LRRC36: variants seen among roughly 807,000 people sequenced by gnomAD.
The protein encoded by LRRC36 is leucine rich repeat containing 36.
In LRRC36, 62 loss-of-function variants were observed where a neutral mutation model predicts 81.1. That is an observed-to-expected ratio of 0.76 (90% CI 0.62 to 0.94). The LOEUF (loss-of-function observed/expected upper bound fraction) is 0.94, where lower values mean the gene tolerates loss of function less well. LRRC36 is among the 40% of genes least tolerant of loss of function. The pLI is 0.00. For synonymous variants in LRRC36, 334 were observed against 348.6 expected (o/e 0.96, Z 0.47); for missense variants, 761 against 881.7 (o/e 0.86, Z 1.73).
intron 4 of LRRC36, among the ~76,000 whole-genome samples, chr16:67,348,330 C>T (rs1254626999): frequency 6.6e-6 from 1 of 151,922 alleles, no homozygotes; most frequent in East Asian, 1.9e-4. Flanking sequence ...AGCATTTTTT[C>T]TGATGACAAA....
In LRRC36 at chr16:67,332,509, G is replaced by A. The variant is rs571673938; in HGVS notation, c.70+5577G>A. Among the ~76,000 whole-genome samples, 5 of 151,860 alleles carry A rather than the reference G, an allele frequency of 3.3e-5. No homozygotes were observed. In the South Asian group the frequency reaches 6.2e-4, roughly 19 times the overall value. On this transcript the variant is annotated intron_variant, in intron 1 of 13. Coordinates refer to ENST00000329956, the MANE Select transcript of LRRC36 (RefSeq NM_018296.6). The stretch of plus-strand genomic sequence containing the variant: ...GCAGAGCTTGCAGTGTGCCAAGATG[G>A]TGCCATTGCACTCCAGCCTGGGTGA...
chr16:67,366,658 G>A (rs1046662667), intron 7 of LRRC36, among the ~76,000 whole-genome samples: 3 of 152,010 alleles, frequency 2.0e-5, no homozygotes, highest in African/African-American at 4.8e-5. Context: ...GCTGAGGTAC[G>A]AGAATCGCTT....
intron 8 of LRRC36, 109 bp from the exon 9 acceptor site, chr16:67,370,835 T>C (rs1172213231): frequency 4.9e-6 from 4 of 823,276 alleles, no homozygotes; most frequent in Non-Finnish European, 7.9e-6. Flanking sequence ...TGAGGATGTA[T>C]GCTAGGGAGT....
At chr16:67,364,184 G>T (rs781658199) in intron 6 of LRRC36, among the ~76,000 whole-genome samples, 1 of 152,210 alleles carries the variant, frequency 6.6e-6, no homozygotes, top group Non-Finnish European at 1.5e-5. Flanking sequence ...GGTAAAGATG[G>T]CATGGAAGTT....
intron 8 of LRRC36, among the ~76,000 whole-genome samples, chr16:67,369,378 TA>T (rs1340088961): frequency 6.6e-6 from 1 of 152,170 alleles, no homozygotes; most frequent in Non-Finnish European, 1.5e-5. Context: ...TGATCAATGC[TA>T]GGTCAAATGC....
At chr16:67,366,983 T>A in intron 7 of LRRC36, 34 bp from the exon 8 acceptor site, 1 of 1,529,172 alleles carries the variant, frequency 6.5e-7, no homozygotes, top group Non-Finnish European at 8.8e-7. Context: ...AGAATTCTTA[T>A]CATGTTTTGT....
chr16:67,328,986 T>G (rs116574288), intron 1 of LRRC36, among the ~76,000 whole-genome samples: 4,961 of 152,262 alleles, frequency 0.033, 135 homozygotes, highest in South Asian at 0.069. Flanking sequence ...CTCGGCTCAC[T>G]GTAATCTCCA....
chr16:67,374,585 A>G (rs1014735059), intron 9 of LRRC36, among the ~76,000 whole-genome samples: 6 of 151,796 alleles, frequency 4.0e-5, no homozygotes, highest in Admixed American at 1.3e-4. Context: ...TAGTACAGGT[A>G]GGATTTCACC....
Position 67,374,886 on chromosome 16 carries a change from C to T in LRRC36, c.1495-361C>T, listed in dbSNP as rs570301049. ...GTGGCTCACACCTGTAATCCCAACACTTTGGGAAGCTGAGGCGGGACGATC... is the reference window on the plus strand; with the variant it reads ...GTGGCTCACACCTGTAATCCCAACATTTTGGGAAGCTGAGGCGGGACGATC... On this transcript the variant is annotated intron_variant, in intron 9 of 13. Coordinates refer to ENST00000329956, the MANE Select transcript of LRRC36 (RefSeq NM_018296.6). Among the ~76,000 whole-genome samples, 133 of 151,978 alleles carry T rather than the reference C, an allele frequency of 8.8e-4. 1 individual carries two copies. Among genetic ancestry groups the T allele is most frequent in the African/African-American group, 3.1e-3 (128 of 41,462 alleles).
intron 1 of LRRC36, among the ~76,000 whole-genome samples, chr16:67,328,573 C>T (rs2037321396): frequency 6.6e-6 from 1 of 152,106 alleles, no homozygotes; most frequent in Non-Finnish European, 1.5e-5. Context: ...ACTCCCCCAT[C>T]CCCGTCTCAT....
chr16:67,359,323 C>T (rs2039043343), intron 5 of LRRC36, among the ~76,000 whole-genome samples: 3 of 152,174 alleles, frequency 2.0e-5, no homozygotes, highest in Admixed American at 6.5e-5. Context: ...GAAGTACTAA[C>T]ACATGCTATA....
At chr16:67,384,748 C>T (rs1394514519) in intron 13 of LRRC36, 122 bp from the exon 14 acceptor site, 2 of 671,170 alleles carry the variant, frequency 3.0e-6, no homozygotes, top group East Asian at 2.5e-5. Flanking sequence ...ATAAATTGGA[C>T]AGTTCCTTCT....
At chr16:67,371,405 C>A in intron 9 of LRRC36, 163 bp downstream of exon 9, 1 of 776,468 alleles carries the variant, frequency 1.3e-6, no homozygotes, top group Non-Finnish European at 2.1e-6. Flanking sequence ...CCTGTTGAGC[C>A]TTCTGCCCTT....
intron 5 of LRRC36, among the ~76,000 whole-genome samples, chr16:67,359,025 G>A (rs1463448541): frequency 1.3e-5 from 2 of 152,290 alleles, no homozygotes; most frequent in African/African-American, 2.4e-5. Context: ...TATAAAAAAA[G>A]CAATGTCAAG....
chr16:67,382,221 AG>A lies in LRRC36; in HGVS notation c.2020del (p.Val674LeufsTer13). On this transcript the variant is annotated frameshift_variant, in exon 13 of 14. Transcript: ENST00000329956. LOFTEE classifies it high-confidence loss of function. ...CCCAGCTGAAAAAGCTGGAGAAGAC[AG>A]TTGCCATTCTCCATGAAAGTCAGAG... ...LAQLKKLEKT[V>X]AILHESQRSL... 6.2e-7 allele frequency: 1 copy of A among 1,614,058 alleles called. No homozygotes were observed. The highest frequency in any genetic ancestry group is 1.3e-5 in the African/African-American group (1 of 75,054).
chr16:67,367,038 G>A lies in LRRC36; in HGVS notation c.776G>A (p.Arg259His), dbSNP rs760615167. The change falls in exon 8 of 14, where the codon CGT becomes CAT. Residue 259 changes from arginine to histidine, a missense_variant. Arg to His is a conservative substitution (Grantham distance 29). Around this residue, in one of 3 missense-constraint regions of LRRC36, gnomAD observed 139 missense variants for 214.0 expected, o/e 0.65. Transcript: ENST00000329956. Reference sequence around the variant, plus strand: ...TTAGAGTTCAGACACTACTCGCCTCGTCAGTCCACAGTCCGATCCCCAGAG... The same window carrying A: ...TTAGAGTTCAGACACTACTCGCCTCATCAGTCCACAGTCCGATCCCCAGAG... ...QEDEFRHYSP[R>H]QSTVRSPEKM... The A allele has an allele frequency of 1.1e-5, 17 of 1,610,580 alleles. No individual in the cohort carries two copies. The highest frequency in any genetic ancestry group is 5.5e-5 in the South Asian group (5 of 90,548).
At chr16:67,380,781 G>A (rs1173353572) in intron 12 of LRRC36, among the ~76,000 whole-genome samples, 3 of 152,170 alleles carry the variant, frequency 2.0e-5, no homozygotes, top group Non-Finnish European at 4.4e-5. Flanking sequence ...AGCTTTTGCA[G>A]CCTTGTTTTC....
chr16:67,327,147 C>G (rs1009550654), intron 1 of LRRC36: 2 of 457,864 alleles, frequency 4.4e-6, no homozygotes, highest in Non-Finnish European at 7.5e-6. Flanking sequence ...GGGCAGAGCC[C>G]GAGGAATTGA....
intron 10 of LRRC36, among the ~76,000 whole-genome samples, chr16:67,376,302 C>T (rs561200458): frequency 2.6e-4 from 39 of 152,062 alleles, no homozygotes; most frequent in African/African-American, 8.2e-4. Context: ...AGCAAGACTC[C>T]GTCTCGGAAA....
Sources: gnomAD v4.1 joint callset for allele counts (sites outside exome capture counted in the v4.1 genomes callset) on GRCh38, gnomAD v4.1.1 for gene constraint, gnomAD v4.1.1 regional missense constraint, MANE v1.5 for transcripts, NCBI Gene and HGNC (gene_info 2026-07-23, HGNC 2026-07-21) for gene names.